RTF2: variants seen among roughly 807,000 people sequenced by gnomAD.
RTF2 encodes the protein replication termination factor 2.
Under a neutral mutation model 38.0 loss-of-function variants are expected in RTF2, and 18 were observed. The observed-to-expected ratio is 0.47, with a 90% confidence interval of 0.33 to 0.70. RTF2 has a LOEUF of 0.70. Among genes scored for constraint, RTF2 ranks in the 30% least tolerant of loss-of-function variants. The probability of loss-of-function intolerance (pLI) is 0.02; values close to 1 mark genes in which losing one functional copy is unlikely to be tolerated. For missense variants in RTF2, 311 were observed against 379.6 expected (o/e 0.82, Z 1.50); for synonymous variants, 126 against 137.1 (o/e 0.92, Z 0.57).
chr20:56,518,331 T>C lies in RTF2; in HGVS notation c.*66T>C, dbSNP rs1312621736. On this transcript the variant is annotated 3_prime_UTR_variant, in exon 9 of 9. Coordinates refer to ENST00000357348, the MANE Select transcript of RTF2 (RefSeq NM_016407.5). ...GTTTCCACGTAGGCAGGTCGCTTTG[T>C]GCCTCTGAGTGCGCTGCTGTGTGTT... 3.5e-6 allele frequency: 5 copies of C among 1,426,722 alleles called. No homozygotes were observed. Among genetic ancestry groups the C allele is most frequent in the Non-Finnish European group, 3.9e-6 (4 of 1,037,674 alleles). The allele number at this position is 1,426,722 out of a possible 1,614,324, so 88.4% of individuals were successfully genotyped here.
chr20:56,484,354 G>T (rs1307504118), intron 5 of RTF2, among the ~76,000 whole-genome samples, 165 bp downstream of exon 5: 1 of 152,160 alleles, frequency 6.6e-6, no homozygotes, highest in African/African-American at 2.4e-5. Context: ...CTGGCCTCTT[G>T]TCACCTGACC....
intron 5 of RTF2, chr20:56,496,874 A>T (rs1372194625): frequency 1.3e-6 from 2 of 1,551,686 alleles, no homozygotes; most frequent in Non-Finnish European, 1.7e-6. Flanking sequence ...GATGACTTTG[A>T]CTTGTCTTGG....
intron 5 of RTF2, among the ~76,000 whole-genome samples, chr20:56,504,508 C>G (rs1221369724): frequency 6.6e-6 from 1 of 152,156 alleles, no homozygotes; most frequent in Non-Finnish European, 1.5e-5. Flanking sequence ...CCATAAATAG[C>G]ATTCAAAAAA....
rs1057083214 is a variant in RTF2 at position 56,496,560 on chromosome 20, T to G, written c.477+12371T>G. ...GAGACTCCGTCTCAAAATCAGTCAG[T>G]CAATCAATCAATCAATCAATCTATC... On this transcript the variant is annotated intron_variant, in intron 5 of 8. Transcript: ENST00000357348. The G allele has an allele frequency of 3.0e-6, 4 of 1,338,744 alleles. 1 individual carries two copies. The Admixed American group carries it at 9.5e-5, about 32-fold the overall frequency. The allele number at this position is 1,338,744 out of a possible 1,614,324, so 82.9% of individuals were successfully genotyped here. A position where few individuals can be genotyped will look rare whatever the true frequency, so the allele number is the denominator to read the frequency against.
At chr20:56,511,244 G>A (rs1249540723) in intron 5 of RTF2, among the ~76,000 whole-genome samples, 1 of 152,104 alleles carries the variant, frequency 6.6e-6, no homozygotes, top group East Asian at 1.9e-4. Context: ...CACACAGCAG[G>A]AGGTGAGCCA....
At chr20:56,472,535 G>A in intron 1 of RTF2, 1 of 545,524 alleles carries the variant, frequency 1.8e-6, no homozygotes, top group Admixed American at 3.3e-5. Context: ...CTGTTAAATT[G>A]AACATTTTAT....
At chr20:56,490,714 G>T (rs1406827516) in intron 5 of RTF2, among the ~76,000 whole-genome samples, 1 of 152,222 alleles carries the variant, frequency 6.6e-6, no homozygotes, top group Non-Finnish European at 1.5e-5. Context: ...CTAGTCGGCA[G>T]GCTAAGGCAG....
chr20:56,470,764 T>A, intron 1 of RTF2: 1 of 431,988 alleles, frequency 2.3e-6, no homozygotes, highest in Non-Finnish European at 4.7e-6. Context: ...GGGGTCTCCA[T>A]AAAGATCCCT....
chr20:56,516,892 G>C (rs751924997), intron 6 of RTF2, 43 bp from the exon 7 acceptor site: 1 of 1,592,942 alleles, frequency 6.3e-7, no homozygotes, highest in East Asian at 2.2e-5. Flanking sequence ...CTGAAGTGGA[G>C]TGAATCTGAG....
intron 4 of RTF2, among the ~76,000 whole-genome samples, chr20:56,481,098 C>A (rs1982504923): frequency 6.6e-6 from 1 of 152,148 alleles, no homozygotes; most frequent in Non-Finnish European, 1.5e-5. Context: ...ATGCCTATAT[C>A]CTTAATAGCT....
intron 8 of RTF2, 59 bp downstream of exon 8, chr20:56,517,260 G>A (rs982816474): frequency 4.3e-5 from 60 of 1,399,522 alleles, no homozygotes; most frequent in Middle Eastern, 2.0e-4. Flanking sequence ...CCAGGTGGCC[G>A]AGTCCAGGTT....
chr20:56,493,642 G>A (rs1264222131), intron 5 of RTF2, among the ~76,000 whole-genome samples: 6 of 143,330 alleles, frequency 4.2e-5, no homozygotes, highest in African/African-American at 1.5e-4. Context: ...GGGTGACAGA[G>A]CGAGACCCTG....
intron 3 of RTF2, among the ~76,000 whole-genome samples, chr20:56,475,867 GA>G (rs1473651284): frequency 2.0e-5 from 3 of 152,202 alleles, no homozygotes; most frequent in East Asian, 3.9e-4. Context: ...GAACAGTAAA[GA>G]AAAAAAGCAT....
chr20:56,498,181 A>G (rs1188589283), intron 5 of RTF2, among the ~76,000 whole-genome samples: 1 of 152,230 alleles, frequency 6.6e-6, no homozygotes, highest in Non-Finnish European at 1.5e-5. Flanking sequence ...TTCAAAGTTC[A>G]TTGTGTGCCA....
At chr20:56,481,214 G>A (rs536079254) in intron 4 of RTF2, among the ~76,000 whole-genome samples, 30 of 152,254 alleles carry the variant, frequency 2.0e-4, no homozygotes, top group African/African-American at 6.0e-4. Flanking sequence ...AAAGCATCTC[G>A]AGTAAGTAAA....
At chr20:56,483,971 A>G (rs1042373318) in intron 4 of RTF2, 140 bp from the exon 5 acceptor site, 1 of 547,116 alleles carries the variant, frequency 1.8e-6, no homozygotes, top group African/African-American at 1.9e-5. Context: ...CCCCTTTTCT[A>G]TGAGAACGTA....
chr20:56,474,302 G>A (rs2146315585), intron 2 of RTF2, among the ~76,000 whole-genome samples: 1 of 152,240 alleles, frequency 6.6e-6, no homozygotes, highest in African/African-American at 2.4e-5. Context: ...CCAATATGGT[G>A]AAACCCTGTC....
rs184447311 is a variant in RTF2, at chr20:56,503,389, G to T, written c.478-9926G>T. On this transcript the variant is annotated intron_variant, in intron 5 of 8. Coordinates refer to ENST00000357348, the MANE Select transcript of RTF2 (RefSeq NM_016407.5). The stretch of plus-strand genomic sequence containing the variant: ...GGATATCCACTCAAAACAACGACAA[G>T]AAATAAAACATTCTAGTTTACAAAA... 2.0e-5 allele frequency among the ~76,000 whole-genome samples: 3 copies of T among 152,302 alleles called. No homozygotes were observed. The East Asian group carries it at 5.8e-4, about 29-fold the overall frequency.
chr20:56,474,498 A>G (rs1315750205), intron 2 of RTF2, among the ~76,000 whole-genome samples, 180 bp from the exon 3 acceptor site: 1 of 152,144 alleles, frequency 6.6e-6, no homozygotes, highest in Non-Finnish European at 1.5e-5. Context: ...ATAAATAAAT[A>G]ATTTCCTTCT....
Sources: gnomAD v4.1 joint callset for allele counts (sites outside exome capture counted in the v4.1 genomes callset) on GRCh38, gnomAD v4.1.1 for gene constraint, MANE v1.5 for transcripts, NCBI Gene and HGNC (gene_info 2026-07-23, HGNC 2026-07-21) for gene names.